CDKN2AIPNL: variants seen among roughly 807,000 people sequenced by gnomAD.
The protein encoded by CDKN2AIPNL is CDKN2AIP N-terminal-like protein.
CDKN2AIPNL carries 9 observed loss-of-function variants against 12.9 expected under a neutral mutation model. That is an observed-to-expected ratio of 0.70 (90% CI 0.42 to 1.22). The LOEUF is 1.22. CDKN2AIPNL is among the 50% of genes most tolerant of loss of function. The pLI, the probability that CDKN2AIPNL is intolerant of heterozygous loss-of-function variation, is 0.00. For missense variants in CDKN2AIPNL, 143 were observed against 153.6 expected, an observed-to-expected ratio of 0.93 and a Z score of 0.37; for synonymous variants, 53 against 61.7, an observed-to-expected ratio of 0.86 and a Z score of 0.66.
At chr5:134,411,159 A>G (rs897733648) in intron 1 of CDKN2AIPNL, 25 of 701,878 alleles carry the variant, frequency 3.6e-5, no homozygotes, top group African/African-American at 3.5e-4. Flanking sequence ...CAATCCTGCC[A>G]GAAGCTGCAT....
intron 2 of CDKN2AIPNL, among the ~76,000 whole-genome samples, chr5:134,405,686 A>T (rs1662398981): frequency 6.6e-6 from 1 of 152,128 alleles, no homozygotes; most frequent in South Asian, 2.1e-4. Context: ...AAGTGTTAGG[A>T]TTACAGGCAT....
intron 2 of CDKN2AIPNL, among the ~76,000 whole-genome samples, chr5:134,408,283 A>G (rs1759135833): frequency 6.6e-6 from 1 of 152,050 alleles, no homozygotes; most frequent in Non-Finnish European, 1.5e-5. Context: ...AGGACTGCCC[A>G]GTATTTTTTT....
rs772730474 is a variant in CDKN2AIPNL at position 134,411,750 on chromosome 5, C to T, written c.105G>A (p.Lys35=). 2.5e-6 allele frequency: 4 copies of T among 1,612,700 alleles called. No homozygotes were observed. In the South Asian group the frequency reaches 4.4e-5, roughly 18 times the overall value. Residue 35 remains lysine, a synonymous_variant, in exon 1 of 3, where the codon AAG becomes AAA. Transcript: ENST00000458198. The part of the protein sequence containing the change: ...EQFRSYSESE[K]QWKARMEFIL... ...TGAATTCCATGCGGGCCTTCCATTG[C>T]TTCTCGCTCTCTGAGTAGGAGCGGA...
intron 2 of CDKN2AIPNL, among the ~76,000 whole-genome samples, chr5:134,404,042 G>A (rs755893156): frequency 1.3e-5 from 2 of 152,174 alleles, no homozygotes; most frequent in Non-Finnish European, 2.9e-5. Flanking sequence ...AGTCCAAAGA[G>A]AAAAAAATCC....
chr5:134,402,499 C>CA lies in CDKN2AIPNL; in HGVS notation c.*415dup, dbSNP rs1251140593. ...TGGGCAACAGAGCAAGACTCTGTCT[C>CA]AAAAAAACAAAACAAAAAACAAAAA... On this transcript the variant is annotated 3_prime_UTR_variant, in exon 3 of 3. Transcript: ENST00000458198. 1 of 158,648 alleles carries CA rather than the reference C, an allele frequency of 6.3e-6. No homozygotes were observed. The highest frequency in any genetic ancestry group is 6.5e-5 in the Admixed American group (1 of 15,408). 9.8% of individuals were successfully genotyped at this position (158,648 alleles called of 1,614,324 possible).
Position 134,411,858 on chromosome 5 carries a change from G to A in CDKN2AIPNL, c.-4C>T, listed in dbSNP as rs1157026134. 3 of 1,556,586 alleles carry A rather than the reference G, an allele frequency of 1.9e-6. No homozygotes were observed. The highest frequency in any genetic ancestry group is 1.2e-5 in the South Asian group (1 of 85,368). ...CAGCCGCCTCGCCACCGACCATGGTGCCCGCCGCAGCCGAGGACCGGATAG... is the reference window on the plus strand; with the variant it reads ...CAGCCGCCTCGCCACCGACCATGGTACCCGCCGCAGCCGAGGACCGGATAG... On this transcript the variant is annotated 5_prime_UTR_variant, in exon 1 of 3. Transcript: ENST00000458198.
intron 2 of CDKN2AIPNL, among the ~76,000 whole-genome samples, chr5:134,407,854 G>A (rs577613833): frequency 5.1e-4 from 77 of 151,782 alleles, no homozygotes; most frequent in African/African-American, 1.4e-3. Context: ...ATAAAGGCTC[G>A]GCCAGGTGCA....
chr5:134,411,055 A>G (rs1759183303), intron 1 of CDKN2AIPNL: 6 of 702,578 alleles, frequency 8.5e-6, no homozygotes, highest in Non-Finnish European at 1.0e-5. Context: ...AGAGAGGTGA[A>G]GCTGGTTCCT....
chr5:134,409,456 G>A (rs1292740001), intron 2 of CDKN2AIPNL, among the ~76,000 whole-genome samples: 1 of 152,156 alleles, frequency 6.6e-6, no homozygotes, highest in Non-Finnish European at 1.5e-5. Flanking sequence ...AAAGGGTAGA[G>A]AACAGCTATG....
rs759805760 is a variant in CDKN2AIPNL at position 134,411,794 on chromosome 5, C to T, written c.61G>A (p.Ala21Thr). ...EELVSGVRQA[A>T]DFAEQFRSYS... ...GAGCGGAACTGCTCCGCGAAGTCGG[C>T]CGCCTGCCGCACCCCCGAAACCAGC... The change falls in exon 1 of 3, where the codon GCC (alanine) becomes ACC (threonine). Residue 21 changes from alanine to threonine, a missense_variant. By Grantham distance (58) the Ala-to-Thr change is moderately conservative. Transcript: ENST00000458198. 3.8e-5 allele frequency: 61 copies of T among 1,598,446 alleles called. No homozygotes were observed. The highest frequency in any genetic ancestry group is 4.9e-5 in the Non-Finnish European group (58 of 1,174,158).
rs1227565072 is a variant in CDKN2AIPNL, at chr5:134,411,674, G to A, written c.181C>T (p.Leu61=). 32 of 1,612,974 alleles carry A rather than the reference G, an allele frequency of 2.0e-5. No individual in the cohort carries two copies. The highest frequency in any genetic ancestry group is 2.5e-5 in the Non-Finnish European group (30 of 1,179,812). The change falls in exon 1 of 3, where the codon CTG becomes TTG. Residue 61 remains leucine (L), a synonymous_variant. Coordinates refer to ENST00000458198, the MANE Select transcript of CDKN2AIPNL (RefSeq NM_080656.3). ...ATGGAGAGGGAGAGCAGCTGGTCCA[G>A]GCGGCCACTGCCGTCGGGCGGGTCG... ...YRDPPDGSGR[L]DQLLSLSMVW...
intron 1 of CDKN2AIPNL, 124 bp from the exon 2 acceptor site, chr5:134,410,126 AACCTAT>A: frequency 1.6e-6 from 1 of 633,436 alleles, no homozygotes; most frequent in Non-Finnish European, 2.8e-6. Context: ...CTGCAGGGCA[AACCTAT>A]ACATGTTCCC....
chr5:134,411,215 A>G, intron 1 of CDKN2AIPNL: 1 of 656,052 alleles, frequency 1.5e-6, no homozygotes, highest in East Asian at 2.7e-5. Flanking sequence ...TCATCTGTAA[A>G]ATGGGGATCT....
In CDKN2AIPNL at chr5:134,402,669, T is replaced by C. The variant is rs1759045447; in HGVS notation, c.*246A>G. 2.7e-6 allele frequency: 1 copy of C among 375,148 alleles called. No individual in the cohort carries two copies. The highest frequency in any genetic ancestry group is 4.8e-6 in the Non-Finnish European group (1 of 210,160). The allele number at this position is 375,148 out of a possible 1,614,324, so 23.2% of individuals were successfully genotyped here. ...GAAAAGAGGGCTTTTACAATGTTGATGAACTCATCTTAGAGTGCATGATTT... is the reference window on the plus strand; with the variant it reads ...GAAAAGAGGGCTTTTACAATGTTGACGAACTCATCTTAGAGTGCATGATTT... On this transcript the variant is annotated 3_prime_UTR_variant, in exon 3 of 3. Coordinates refer to ENST00000458198, the MANE Select transcript of CDKN2AIPNL (RefSeq NM_080656.3).
At chr5:134,409,223 G>A (rs1267857636) in intron 2 of CDKN2AIPNL, among the ~76,000 whole-genome samples, 1 of 152,212 alleles carries the variant, frequency 6.6e-6, no homozygotes, top group African/African-American at 2.4e-5. Context: ...AAGTGCCAAA[G>A]GAACTTCAGA....
intron 2 of CDKN2AIPNL, among the ~76,000 whole-genome samples, chr5:134,409,006 G>A (rs2149697618): frequency 6.6e-6 from 1 of 152,250 alleles, no homozygotes; most frequent in South Asian, 2.1e-4. Flanking sequence ...AGACCTAAAT[G>A]TGGAGGAATG....
chr5:134,405,502 C>T (rs1759090983), intron 2 of CDKN2AIPNL, among the ~76,000 whole-genome samples: 1 of 151,826 alleles, frequency 6.6e-6, no homozygotes, highest in Non-Finnish European at 1.5e-5. Flanking sequence ...CTGCAACCTC[C>T]ACCTCCCGGG....
chr5:134,409,528 C>G (rs1254453291), intron 2 of CDKN2AIPNL, among the ~76,000 whole-genome samples: 3 of 152,058 alleles, frequency 2.0e-5, no homozygotes, highest in African/African-American at 7.2e-5. Flanking sequence ...CAAGTCAGGT[C>G]GGCACTCACA....
At position 134,409,981 on chromosome 5, in the gene CDKN2AIPNL, G is replaced by C. The variant is rs774599634; in HGVS notation, c.261C>G (p.Asp87Glu). The C allele has an allele frequency of 3.3e-5, 53 of 1,610,930 alleles. 3 individuals are homozygous for C. The South Asian group carries it at 5.6e-4, about 17-fold the overall frequency. Reference protein sequence around the residue: ...LGCSYNKDLLDKVMEMADGIE... With the variant: ...LGCSYNKDLLEKVMEMADGIE... ...TCCCATCGGCCATTTCCATCACCTTGTCTAAAAGGTCTTTATTGTAACTGC... is the reference window on the plus strand; with the variant it reads ...TCCCATCGGCCATTTCCATCACCTTCTCTAAAAGGTCTTTATTGTAACTGC... The change falls in exon 2 of 3, where the codon GAC becomes GAG. Residue 87 changes from aspartate to glutamate, a missense_variant. By Grantham distance (45) the Asp-to-Glu change is conservative. Coordinates refer to ENST00000458198, the MANE Select transcript of CDKN2AIPNL (RefSeq NM_080656.3).
Sources: allele counts gnomAD v4.1 joint callset (sites outside exome capture counted in the v4.1 genomes callset), GRCh38; gene constraint gnomAD v4.1.1; transcripts MANE v1.5; gene names NCBI Gene and HGNC (gene_info 2026-07-23, HGNC 2026-07-21).